The following JAKMIP2 variants were observed in gnomAD, a reference collection of about 807,000 sequenced individuals.
JAKMIP2 encodes janus kinase and microtubule-interacting protein 2.
In JAKMIP2, 25 loss-of-function variants were observed where a neutral mutation model predicts 115.0. The ratio of observed to expected loss-of-function variants is 0.22; its 90% confidence interval spans 0.16 to 0.30. JAKMIP2 has a LOEUF of 0.30. Among genes scored for constraint, JAKMIP2 ranks in the 10% least tolerant of loss-of-function variants. The pLI is 1.00. For missense variants in JAKMIP2, 642 were observed against 957.6 expected (o/e 0.67, Z 4.35); for synonymous variants, 334 against 343.6 (o/e 0.97, Z 0.31).
intron 1 of JAKMIP2, among the ~76,000 whole-genome samples, chr5:147,687,643 A>C (rs1208581779): frequency 6.6e-6 from 1 of 152,306 alleles, no homozygotes; most frequent in East Asian, 1.9e-4. Context: ...AGAATTTAGA[A>C]AGGGCTCATT....
At position 147,591,638 on chromosome 5, in the gene JAKMIP2, G is replaced by T. The variant is rs763365167; in HGVS notation, c.*69C>A. The T allele has an allele frequency of 3.3e-5, 53 of 1,588,332 alleles. No homozygotes were observed. In the East Asian group the frequency reaches 1.1e-3, roughly 34 times the overall value. Reference sequence around the variant, plus strand: ...GTAAACAATTTTGCCATCTTTGAAGGTTTAGAAGCACTTGTCTTCCTGGGA... The same window carrying T: ...GTAAACAATTTTGCCATCTTTGAAGTTTTAGAAGCACTTGTCTTCCTGGGA... On this transcript the variant is annotated 3_prime_UTR_variant, in exon 22 of 22. Transcript: ENST00000616793.
intron 12 of JAKMIP2, 33 bp downstream of exon 12, chr5:147,636,189 C>T (rs1339716418): frequency 1.3e-6 from 2 of 1,580,742 alleles, no homozygotes; most frequent in East Asian, 4.5e-5. Flanking sequence ...TGATTTTCTC[C>T]TCTGCCCCGC....
At chr5:147,623,521 A>G in intron 17 of JAKMIP2, 100 bp downstream of exon 17, 1 of 673,146 alleles carries the variant, frequency 1.5e-6, no homozygotes, top group Non-Finnish European at 2.6e-6. Context: ...AAGATGACAA[A>G]CTTTCATCAG....
At chr5:147,717,272 G>C (rs1398363431) in intron 1 of JAKMIP2, among the ~76,000 whole-genome samples, 3 of 128,318 alleles carry the variant, frequency 2.3e-5, no homozygotes, top group Admixed American at 8.4e-5. Context: ...TTTGAAGTCA[G>C]GTAGTGTGAT....
At chr5:147,670,325 A>G (rs1759514586) in intron 2 of JAKMIP2, among the ~76,000 whole-genome samples, 1 of 152,190 alleles carries the variant, frequency 6.6e-6, no homozygotes, top group Non-Finnish European at 1.5e-5. Flanking sequence ...TGGAATAAAT[A>G]TATTTGTTGG....
At chr5:147,682,557 T>C (rs538365122) in intron 1 of JAKMIP2, among the ~76,000 whole-genome samples, 112 of 152,048 alleles carry the variant, frequency 7.4e-4, no homozygotes, top group Non-Finnish European at 1.3e-3. Flanking sequence ...CAGTTAAGAG[T>C]AAAACTGTGT....
chr5:147,683,816 T>G (rs556757141), intron 1 of JAKMIP2, among the ~76,000 whole-genome samples: 1 of 152,286 alleles, frequency 6.6e-6, no homozygotes, highest in East Asian at 1.9e-4. Flanking sequence ...AATATAAAGA[T>G]GTATACAGAT....
chr5:147,721,052 A>G (rs1358447741), intron 1 of JAKMIP2, among the ~76,000 whole-genome samples: 1 of 151,946 alleles, frequency 6.6e-6, no homozygotes, highest in Admixed American at 6.6e-5. Flanking sequence ...TCTGTTTGTT[A>G]GTTTTCCTTG....
At chr5:147,745,173 G>T (rs887651722) in intron 1 of JAKMIP2, among the ~76,000 whole-genome samples, 1 of 100,748 alleles carries the variant, frequency 9.9e-6, no homozygotes, top group Admixed American at 1.1e-4. Flanking sequence ...TCAACAAACC[G>T]ACCTTGGCGG....
intron 17 of JAKMIP2, among the ~76,000 whole-genome samples, chr5:147,622,771 G>C (rs1488908415): frequency 6.6e-6 from 1 of 152,164 alleles, no homozygotes; most frequent in East Asian, 1.9e-4. Flanking sequence ...TACACACCCA[G>C]AAGTGGTATT....
intron 1 of JAKMIP2, among the ~76,000 whole-genome samples, chr5:147,685,047 C>A (rs1219991321): frequency 1.3e-5 from 2 of 152,148 alleles, no homozygotes; most frequent in Non-Finnish European, 2.9e-5. Context: ...ATACTTAAAA[C>A]AAGATTATGA....
intron 1 of JAKMIP2, among the ~76,000 whole-genome samples, chr5:147,713,442 TAATGAAACAGGTAATCCCCTTTTC>T (rs1472003522): frequency 2.6e-5 from 4 of 152,290 alleles, no homozygotes. Flanking sequence ...TAAAACAGCA[TAATGAAACAGGTAATCCCCTTTTC>T]AATGAGTAAT....
chr5:147,758,903 G>C (rs749728644), intron 1 of JAKMIP2, among the ~76,000 whole-genome samples: 1 of 152,170 alleles, frequency 6.6e-6, no homozygotes, highest in Non-Finnish European at 1.5e-5. Context: ...GGGTGCACTA[G>C]TGCCTCTACC....
chr5:147,729,914 C>T (rs960616020), intron 1 of JAKMIP2, among the ~76,000 whole-genome samples: 1 of 152,152 alleles, frequency 6.6e-6, no homozygotes, highest in Non-Finnish European at 1.5e-5. Flanking sequence ...GTCAGCTCAG[C>T]CTGGTTTGAA....
intron 7 of JAKMIP2, 84 bp from the exon 8 acceptor site, chr5:147,641,848 C>T: frequency 8.9e-7 from 1 of 1,118,406 alleles, no homozygotes; most frequent in Non-Finnish European, 1.4e-6. Flanking sequence ...TGTTCTTTCC[C>T]ATAAGGCATT....
chr5:147,762,311 T>A (rs1003770033), intron 1 of JAKMIP2, among the ~76,000 whole-genome samples: 1 of 152,164 alleles, frequency 6.6e-6, no homozygotes, highest in African/African-American at 2.4e-5. Flanking sequence ...TATATACTAA[T>A]GTTAGATTGT....
chr5:147,726,598 T>G (rs143909126), intron 1 of JAKMIP2, among the ~76,000 whole-genome samples: 36 of 152,328 alleles, frequency 2.4e-4, no homozygotes, highest in African/African-American at 6.3e-4. Context: ...TGCTATAAAT[T>G]TATCTTCCTG....
chr5:147,742,155 A>ATATATATATATATATATATATATATATTT, intron 1 of JAKMIP2, among the ~76,000 whole-genome samples: 29 of 108,896 alleles, frequency 2.7e-4, no homozygotes, highest in Admixed American at 2.0e-3. Context: ...ATATATATAT[A>ATATATATATATATATATATATATATATTT]TTTTTTTTAC....
rs557626413 is a variant in JAKMIP2, at chr5:147,738,245, AC to A, written c.-149+44210del. ...TGCCATTTTAGTAAAATGCACAAATACTAAACATACTAGCTTTCTTCCATCA... is the reference window on the plus strand; with the variant it reads ...TGCCATTTTAGTAAAATGCACAAATATAAACATACTAGCTTTCTTCCATCA... On this transcript the variant is annotated intron_variant, in intron 1 of 21. Transcript: ENST00000616793. 4.9e-3 allele frequency among the ~76,000 whole-genome samples: 741 copies of A among 152,286 alleles called. 6 individuals carry two copies. Among genetic ancestry groups the A allele is most frequent in the Non-Finnish European group, 6.6e-3 (447 of 68,022 alleles).
Sources: gnomAD v4.1 joint callset for allele counts (sites outside exome capture counted in the v4.1 genomes callset) on GRCh38, gnomAD v4.1.1 for gene constraint, MANE v1.5 for transcripts, NCBI Gene and HGNC (gene_info 2026-07-23, HGNC 2026-07-21) for gene names.